PSD3: variants seen among roughly 807,000 people sequenced by gnomAD.
The protein encoded by PSD3 is PH and SEC7 domain-containing protein 3.
Under a neutral mutation model 105.5 loss-of-function variants are expected in PSD3, and 49 were observed. That is an observed-to-expected ratio of 0.46 (90% CI 0.37 to 0.59). PSD3 has a LOEUF of 0.59. Ranked by LOEUF, PSD3 falls within the 20% of genes least tolerant of loss-of-function variation. The pLI, the probability that PSD3 is intolerant of heterozygous loss-of-function variation, is 0.00. For synonymous variants in PSD3, 557 were observed against 457.8 expected (o/e 1.22, Z -2.77); for missense variants, 1,561 against 1,263.8 (o/e 1.24, Z -3.57).
At chr8:19,055,769 G>A (rs1477860892) in intron 1 of PSD3, among the ~76,000 whole-genome samples, 1 of 152,236 alleles carries the variant, frequency 6.6e-6, no homozygotes, top group Non-Finnish European at 1.5e-5. Flanking sequence ...ACCTCCTGCT[G>A]TGACCTGTGG....
chr8:18,535,471 G>C lies in PSD3; in HGVS notation c.*272C>G. ...CTGCAAACAAGAGAAAACCAAAAGA[G>C]AAGGGATACATAATTCATTCTGAAA... On this transcript the variant is annotated 3_prime_UTR_variant, in exon 16 of 16. Coordinates refer to ENST00000327040, the MANE Select transcript of PSD3 (RefSeq NM_015310.4). 1 of 433,274 alleles carries C rather than the reference G, an allele frequency of 2.3e-6. No homozygotes were observed. Among genetic ancestry groups the C allele is most frequent in the South Asian group, 3.5e-5 (1 of 28,816 alleles). The allele number at this position is 433,274 out of a possible 1,614,324, so 26.8% of individuals were successfully genotyped here.
At position 18,901,443 on chromosome 8, in the gene PSD3, G is replaced by A. The variant is rs146106449; in HGVS notation, c.131-28710C>T. On this transcript the variant is annotated intron_variant, in intron 2 of 15. Transcript: ENST00000327040. ...ACATTCAAGGGTATTATTGATAGGC[G>A]AGAACACACTCTTGTTATTTTGTTA... Among the ~76,000 whole-genome samples the A allele has an allele frequency of 4.8e-3, 734 of 152,194 alleles. 6 individuals are homozygous for A. The highest frequency in any genetic ancestry group is 0.016 in the African/African-American group (663 of 41,536).
chr8:18,803,956 G>A lies in PSD3; in HGVS notation c.1910+566C>T, dbSNP rs1054427994. ...TTTTATGCTATCTGTATTCTAACACGATAAAAAAACGAAAAACAGAAAAAC... is the reference window on the plus strand; with the variant it reads ...TTTTATGCTATCTGTATTCTAACACAATAAAAAAACGAAAAACAGAAAAAC... On this transcript the variant is annotated intron_variant, in intron 6 of 15. Coordinates refer to ENST00000327040, the MANE Select transcript of PSD3 (RefSeq NM_015310.4). Among the ~76,000 whole-genome samples, 6 of 34,350 alleles carry A rather than the reference G, an allele frequency of 1.7e-4. 1 individual carries two copies. The highest frequency in any genetic ancestry group is 1.7e-3 in the South Asian group (3 of 1,718). The allele number at this position is 34,350 out of a possible 152,430, so 22.5% of individuals were successfully genotyped here. A position where few individuals can be genotyped will look rare whatever the true frequency, so the allele number is the denominator to read the frequency against.
chr8:19,055,299 G>T (rs1310801605), intron 1 of PSD3, among the ~76,000 whole-genome samples: 3 of 152,034 alleles, frequency 2.0e-5, no homozygotes, highest in East Asian at 1.9e-4. Flanking sequence ...TTTTGCCCAG[G>T]CTGGAGTGCA....
In PSD3 at chr8:19,025,065, G is replaced by A. The variant is rs370459064; in HGVS notation, c.324+59141C>T. ...CTAGCAAAAAGGAGCTGTTGAAAGA[G>A]CTGCATATACTAGGGACCAATAAGA... is the stretch of plus-strand genomic sequence containing the variant. On this transcript the variant is annotated intron_variant, in intron 1 of 1. Coordinates refer to the PSD3 transcript ENST00000521475. 2.8e-4 allele frequency among the ~76,000 whole-genome samples: 42 copies of A among 152,244 alleles called. 1 individual carries two copies. The highest frequency in any genetic ancestry group is 9.9e-4 in the African/African-American group (41 of 41,524).
chr8:18,910,945 A>T (rs1055161127), intron 2 of PSD3, among the ~76,000 whole-genome samples: 1 of 152,044 alleles, frequency 6.6e-6, no homozygotes, highest in East Asian at 1.9e-4. Context: ...AAAAATAAAA[A>T]AAAAAAAAAT....
At chr8:18,862,277 A>G (rs1278519379) in intron 4 of PSD3, among the ~76,000 whole-genome samples, 1 of 152,140 alleles carries the variant, frequency 6.6e-6, no homozygotes, top group Non-Finnish European at 1.5e-5. Context: ...ATTCAAAAAT[A>G]CGCACCTAGA....
At chr8:18,688,720 C>T (rs1001082023) in intron 9 of PSD3, among the ~76,000 whole-genome samples, 1 of 152,180 alleles carries the variant, frequency 6.6e-6, no homozygotes, top group Admixed American at 6.5e-5. Context: ...GGGTTCACAA[C>T]TAGATTCAAT....
chr8:18,695,688 T>A (rs1801218640), intron 9 of PSD3, among the ~76,000 whole-genome samples: 1 of 152,234 alleles, frequency 6.6e-6, no homozygotes, highest in South Asian at 2.1e-4. Flanking sequence ...TTGCTCTTCC[T>A]GGGTATATAC....
intron 12 of PSD3, among the ~76,000 whole-genome samples, chr8:18,585,238 C>G (rs1310931764): frequency 5.3e-5 from 8 of 152,148 alleles, no homozygotes; most frequent in Non-Finnish European, 1.0e-4. Flanking sequence ...GAAGGCCTAA[C>G]TCTTAATCAT....
At chr8:18,866,144 G>A (rs949146183) in intron 4 of PSD3, among the ~76,000 whole-genome samples, 2 of 152,176 alleles carry the variant, frequency 1.3e-5, no homozygotes, top group African/African-American at 4.8e-5. Flanking sequence ...GAATTTCAGT[G>A]CAATTATCTG....
intron 14 of PSD3, among the ~76,000 whole-genome samples, chr8:18,564,108 CTTCT>C (rs918731158): frequency 5.0e-5 from 6 of 119,194 alleles, no homozygotes; most frequent in South Asian, 2.8e-4. Context: ...AAGTTTTCTT[CTTCT>C]TTTTTTTTTT....
rs759774299 is a variant in PSD3, at chr8:18,655,643, C to G, written c.2215G>C (p.Val739Leu). The change falls in exon 10 of 16, where the codon GTA becomes CTA. Residue 739 changes from valine (V) to leucine (L), a missense_variant and splice_region_variant. Val to Leu is a conservative substitution (Grantham distance 32). Transcript: ENST00000327040. ...AAGGCTGACGTCCAGCACACTTACA[C>G]TGCCCATTCAAGCTTCTCATTCTTG... The part of the protein sequence containing the change: ...SIKNEKLEWA[V>L]DDEEKKKSPS... 1 of 1,613,778 alleles carries G rather than the reference C, an allele frequency of 6.2e-7. No individual in the cohort carries two copies. Among genetic ancestry groups the G allele is most frequent in the East Asian group, 2.2e-5 (1 of 44,868 alleles).
At chr8:19,052,499 A>T (rs1227025153) in intron 1 of PSD3, among the ~76,000 whole-genome samples, 2 of 151,934 alleles carry the variant, frequency 1.3e-5, no homozygotes, top group Non-Finnish European at 2.9e-5. Flanking sequence ...AAAGAAAAAG[A>T]AAAGAAATAC....
rs181725239 is a variant in PSD3 at position 18,885,067 on chromosome 8, A to C, written c.131-12334T>G. ...TTTTCAAAGCTGGTTTCCTTTTTCA[A>C]CCAGTGGGGTTCTCCACTCTTGTCT... On this transcript the variant is annotated intron_variant, in intron 2 of 15. Coordinates refer to ENST00000327040, the MANE Select transcript of PSD3 (RefSeq NM_015310.4). Among the ~76,000 whole-genome samples, 380 of 152,226 alleles carry C rather than the reference A, an allele frequency of 2.5e-3. 2 individuals are homozygous for C. Among genetic ancestry groups the C allele is most frequent in the Non-Finnish European group, 2.5e-3 (173 of 68,006 alleles).
chr8:18,809,083 C>T (rs112046933), intron 4 of PSD3, among the ~76,000 whole-genome samples: 28 of 152,258 alleles, frequency 1.8e-4, no homozygotes, highest in African/African-American at 6.3e-4. Flanking sequence ...CTCAGTGATC[C>T]CTCTCGGAGG....
At chr8:18,828,080 T>TTTC (rs1035358926) in intron 4 of PSD3, among the ~76,000 whole-genome samples, 1 of 143,802 alleles carries the variant, frequency 7.0e-6, no homozygotes, top group East Asian at 2.0e-4. Flanking sequence ...TTTTTTTTTT[T>TTTC]ACAAAAAAAA....
intron 10 of PSD3, among the ~76,000 whole-genome samples, chr8:18,650,018 T>C (rs1585500831): frequency 6.6e-6 from 1 of 152,228 alleles, no homozygotes. Flanking sequence ...GTCTTAAGTA[T>C]TGCTTTGTAG....
chr8:19,071,169 C>A (rs993202370), intron 1 of PSD3, among the ~76,000 whole-genome samples: 1 of 152,030 alleles, frequency 6.6e-6, no homozygotes, highest in East Asian at 1.9e-4. Context: ...AAGTGATTCT[C>A]GTGCCTCAGC....
Sources: gnomAD v4.1 joint callset for allele counts (sites outside exome capture counted in the v4.1 genomes callset) on GRCh38, gnomAD v4.1.1 for gene constraint, MANE v1.5 for transcripts, NCBI Gene and HGNC (gene_info 2026-07-23, HGNC 2026-07-21) for gene names.